Variants in P4HA1 observed in about 807,000 individuals in gnomAD.
The protein encoded by P4HA1 is prolyl 4-hydroxylase subunit alpha-1.
P4HA1 carries 24 observed loss-of-function variants against 72.8 expected under a neutral mutation model. The observed-to-expected ratio is 0.33, with a 90% CI of 0.24 to 0.46. P4HA1 has a LOEUF of 0.46. Among genes scored for constraint, P4HA1 ranks in the 20% least tolerant of loss-of-function variants. The pLI is 1.00. For missense variants in P4HA1, 446 were observed against 640.6 expected (o/e 0.70, Z 3.28); for synonymous variants, 201 against 218.8 (o/e 0.92, Z 0.72).
At chr10:73,051,723 C>T (rs1167859916) in intron 6 of P4HA1, among the ~76,000 whole-genome samples, 1 of 152,154 alleles carries the variant, frequency 6.6e-6, no homozygotes, top group Non-Finnish European at 1.5e-5. Flanking sequence ...CATGCCATTG[C>T]ACTCCAGCCT....
intron 11 of P4HA1, among the ~76,000 whole-genome samples, chr10:73,014,790 C>T (rs1839978924): frequency 1.3e-5 from 2 of 151,914 alleles, no homozygotes; most frequent in Admixed American, 1.3e-4. Context: ...ACTTTGAACT[C>T]ACGACCTACT....
At chr10:73,048,739 A>G (rs1840934658) in intron 7 of P4HA1, among the ~76,000 whole-genome samples, 1 of 152,234 alleles carries the variant, frequency 6.6e-6, no homozygotes, top group African/African-American at 2.4e-5. Flanking sequence ...TGATATTACA[A>G]AACTTGTGAA....
intron 5 of P4HA1, among the ~76,000 whole-genome samples, chr10:73,057,454 C>A (rs566070756): frequency 6.6e-6 from 1 of 152,118 alleles, no homozygotes; most frequent in Non-Finnish European, 1.5e-5. Context: ...GGCGCTACTG[C>A]ACTCCAGCCT....
chr10:73,016,053 C>T (rs1840001922), intron 11 of P4HA1, among the ~76,000 whole-genome samples: 1 of 152,074 alleles, frequency 6.6e-6, no homozygotes, highest in Non-Finnish European at 1.5e-5. Context: ...TCAAGTAGGC[C>T]CTGACTTTGG....
chr10:73,074,784 A>G (rs1841657186), intron 2 of P4HA1, 24 bp downstream of exon 2: 2 of 1,322,240 alleles, frequency 1.5e-6, no homozygotes, highest in Non-Finnish European at 1.1e-6. Context: ...AAACCAACAA[A>G]AAACAACAAG....
At chr10:73,012,936 C>T (rs1220871660) in intron 12 of P4HA1, among the ~76,000 whole-genome samples, 1 of 152,090 alleles carries the variant, frequency 6.6e-6, no homozygotes, top group Non-Finnish European at 1.5e-5. Context: ...GCTGGTACTA[C>T]AGGTGTGTGC....
intron 9 of P4HA1, among the ~76,000 whole-genome samples, chr10:73,037,567 ATATATT>A (rs1334845235): frequency 2.4e-4 from 7 of 28,990 alleles, no homozygotes; most frequent in African/African-American, 2.8e-4. Context: ...ATATATATAT[ATATATT>A]TTTTTTTTTT....
At chr10:73,038,369 T>TA (rs930091731) in intron 9 of P4HA1, among the ~76,000 whole-genome samples, 2 of 151,982 alleles carry the variant, frequency 1.3e-5, no homozygotes, top group African/African-American at 2.4e-5. Context: ...CACTTCAGAG[T>TA]AAAAAAATGA....
chr10:73,089,263 G>A (rs915513179), intron 1 of P4HA1, among the ~76,000 whole-genome samples: 3 of 152,074 alleles, frequency 2.0e-5, no homozygotes, highest in South Asian at 2.1e-4. Context: ...TTAGTATATA[G>A]AAATACAATT....
Position 73,046,350 on chromosome 10 carries a change from A to G in P4HA1, c.1077+575T>C, listed in dbSNP as rs564086360. On this transcript the variant is annotated intron_variant, in intron 8 of 14. Transcript: ENST00000394890. ...AAGAGCATAAAGGGTAGTCTTTTCCACATTCTCACTAAAGAGTTTTTATGC... is the reference window on the plus strand; with the variant it reads ...AAGAGCATAAAGGGTAGTCTTTTCCGCATTCTCACTAAAGAGTTTTTATGC... 4.6e-5 allele frequency among the ~76,000 whole-genome samples: 7 copies of G among 152,320 alleles called. No homozygotes were observed. The South Asian group carries it at 1.4e-3, about 32-fold the overall frequency.
chr10:73,032,078 C>T (rs1840445139), intron 9 of P4HA1, among the ~76,000 whole-genome samples: 1 of 152,132 alleles, frequency 6.6e-6, no homozygotes, highest in Non-Finnish European at 1.5e-5. Context: ...TCATGAATAC[C>T]AACTTCAAAT....
At chr10:73,073,611 A>G in intron 3 of P4HA1, 120 bp downstream of exon 3, 1 of 644,312 alleles carries the variant, frequency 1.6e-6, no homozygotes, top group Non-Finnish European at 2.8e-6. Context: ...TATTTTAGCC[A>G]TTGCAACTGG....
intron 2 of P4HA1, among the ~76,000 whole-genome samples, chr10:73,074,493 T>TA (rs1841646298): frequency 6.6e-6 from 1 of 151,480 alleles, no homozygotes; most frequent in African/African-American, 2.4e-5. Flanking sequence ...AAGTTATAAA[T>TA]ACAAAAAAAA....
At chr10:73,042,220 G>C (rs1840751908) in intron 9 of P4HA1, among the ~76,000 whole-genome samples, 1 of 152,080 alleles carries the variant, frequency 6.6e-6, no homozygotes, top group Non-Finnish European at 1.5e-5. Flanking sequence ...GGGGCAAAAG[G>C]GCAGGTGGTG....
chr10:73,068,524 A>C (rs1384710044), intron 5 of P4HA1, among the ~76,000 whole-genome samples: 5 of 152,162 alleles, frequency 3.3e-5, no homozygotes, highest in Non-Finnish European at 7.4e-5. Flanking sequence ...TTTACATACA[A>C]AGCTTTCAAA....
intron 7 of P4HA1, 80 bp from the exon 8 acceptor site, chr10:73,047,181 A>G: frequency 9.9e-7 from 1 of 1,007,494 alleles, no homozygotes; most frequent in East Asian, 2.6e-5. Context: ...GATAAGAGAC[A>G]ATAATCATGC....
chr10:73,034,660 TC>T (rs1840524936), intron 9 of P4HA1, among the ~76,000 whole-genome samples: 1 of 150,946 alleles, frequency 6.6e-6, no homozygotes, highest in African/African-American at 2.4e-5. Flanking sequence ...CAATCTTGGC[TC>T]ACTGCAGCCT....
In P4HA1 at chr10:73,033,229, A is replaced by G. The variant is rs113325731; in HGVS notation, c.1149-2859T>C. ...GCAATGCTAAATTGGAAAGCATTCT[A>G]ATAAAGCTTCGAACTAAATGCCTCA... On this transcript the variant is annotated intron_variant, in intron 9 of 14. Coordinates refer to ENST00000394890, the MANE Select transcript of P4HA1 (RefSeq NM_001017962.3). 2.6e-3 allele frequency among the ~76,000 whole-genome samples: 400 copies of G among 152,310 alleles called. 2 individuals are homozygous for G. The highest frequency in any genetic ancestry group is 9.1e-3 in the African/African-American group (380 of 41,572).
intron 1 of P4HA1, among the ~76,000 whole-genome samples, chr10:73,075,743 G>T (rs201837645): frequency 0.027 from 3,589 of 131,030 alleles, 62 homozygotes; most frequent in Middle Eastern, 0.053. Flanking sequence ...TATATATATA[G>T]TGTGTGTGTG....
Sources: gnomAD v4.1 joint callset for allele counts (sites outside exome capture counted in the v4.1 genomes callset) on GRCh38, gnomAD v4.1.1 for gene constraint, MANE v1.5 for transcripts, NCBI Gene and HGNC (gene_info 2026-07-23, HGNC 2026-07-21) for gene names.